RGS5: variants seen among roughly 807,000 people sequenced by gnomAD.
The protein encoded by RGS5 is regulator of G-protein signalling 5.
Under a neutral mutation model 18.9 loss-of-function variants are expected in RGS5, and 20 were observed. That is an observed-to-expected ratio of 1.06 (90% CI 0.74 to 1.54). RGS5 has a LOEUF of 1.54. Among genes scored for constraint, RGS5 ranks in the 40% most tolerant of loss-of-function variants. The pLI is 0.00. For missense variants in RGS5, 201 were observed against 211.8 expected (o/e 0.95, Z 0.32); for synonymous variants, 57 against 76.2 (o/e 0.75, Z 1.31).
intron 2 of RGS5, among the ~76,000 whole-genome samples, chr1:163,234,190 G>A (rs1647559049): frequency 6.6e-6 from 1 of 152,168 alleles, no homozygotes; most frequent in Non-Finnish European, 1.5e-5. Context: ...TCTATTAGCT[G>A]TAGAATTTTT....
intron 3 of RGS5, among the ~76,000 whole-genome samples, chr1:163,154,190 T>G (rs184441303): frequency 6.6e-6 from 1 of 152,230 alleles, no homozygotes; most frequent in Non-Finnish European, 1.5e-5. Context: ...ATTCTTTTTA[T>G]AGGCTCTAAA....
intron 1 of RGS5, among the ~76,000 whole-genome samples, chr1:163,171,881 G>A (rs938922103): frequency 2.0e-5 from 3 of 152,088 alleles, no homozygotes; most frequent in South Asian, 2.1e-4. Context: ...AATCACAAAC[G>A]GGTGCTTAAA....
intron 2 of RGS5, among the ~76,000 whole-genome samples, chr1:163,273,375 T>C (rs1648772046): frequency 6.6e-6 from 1 of 152,184 alleles, no homozygotes; most frequent in Non-Finnish European, 1.5e-5. Context: ...TTTCAATTCT[T>C]AGTTTTTTTG....
intron 2 of RGS5, among the ~76,000 whole-genome samples, chr1:163,271,568 C>A (rs1464237643): frequency 2.0e-5 from 3 of 152,164 alleles, no homozygotes; most frequent in East Asian, 1.9e-4. Context: ...GGCCACCCAG[C>A]CTATGGTATC....
chr1:163,212,620 C>T (rs1416060769), intron 1 of RGS5: 1 of 152,242 alleles, frequency 6.6e-6, no homozygotes, highest in East Asian at 1.9e-4. Flanking sequence ...AGCATCTTAG[C>T]TCCAGTGAAG....
In RGS5 at chr1:163,152,371, T is replaced by G. The variant is rs182933691; in HGVS notation, c.384+179A>C. The G allele has an allele frequency of 8.5e-4, 469 of 553,522 alleles. 3 individuals are homozygous for G. The highest frequency in any genetic ancestry group is 2.9e-3 in the East Asian group (101 of 34,952). 34.3% of individuals were successfully genotyped at this position (553,522 alleles called of 1,614,324 possible). A position where few individuals can be genotyped will look rare whatever the true frequency, so the allele number is the denominator to read the frequency against. On this transcript the variant is annotated intron_variant, in intron 4 of 4. Transcript: ENST00000313961. ...AACTAGAAAGCGGTCTGAACAGGAT[T>G]GTTCATATATACTTGACCATGTTGC... is the stretch of plus-strand genomic sequence containing the variant.
rs534877977 is a variant in RGS5, at chr1:163,230,695, G to A, written c.-280-62327C>T. 1.1e-3 allele frequency among the ~76,000 whole-genome samples: 160 copies of A among 152,232 alleles called. 1 individual carries two copies. The highest frequency in any genetic ancestry group is 3.4e-3 in the Middle Eastern group (1 of 294). On this transcript the variant is annotated intron_variant, in intron 2 of 5. Coordinates refer to the RGS5 transcript ENST00000618415. ...ATTACTTTTACCACTAATTAACTCT[G>A]TAAAGGATAAAAGATTTATAACACC...
At chr1:163,154,393 G>A (rs145862484) in intron 3 of RGS5, among the ~76,000 whole-genome samples, 66 of 152,168 alleles carry the variant, frequency 4.3e-4, no homozygotes, top group African/African-American at 1.3e-3. Context: ...TAGGATGATC[G>A]TTAACTTGTG....
upstream of RGS5, chr1:163,203,011 T>C: frequency 1.7e-6 from 1 of 586,718 alleles, no homozygotes; most frequent in South Asian, 2.1e-5. Context: ...AACTGCAGGC[T>C]GGAGAGCAGC....
At chr1:163,156,249 C>G (rs1657574949) in intron 3 of RGS5, among the ~76,000 whole-genome samples, 1 of 152,022 alleles carries the variant, frequency 6.6e-6, no homozygotes. Context: ...AATGGAGATA[C>G]TAATGGAACT....
rs1274478523 is a variant in RGS5, at chr1:163,225,965, GGGT to G, written c.-280-57600_-280-57598del. On this transcript the variant is annotated intron_variant, in intron 2 of 5. Transcript: ENST00000618415. ...GACAGAATTTGGCTCTTGTTGCCCA[GGGT>G]GGAGTGCAATGGCGCAATCTCGGCT... Among the ~76,000 whole-genome samples the G allele has an allele frequency of 2.0e-5, 3 of 151,860 alleles. No individual in the cohort carries two copies. In the East Asian group the frequency reaches 5.8e-4, roughly 29 times the overall value.
chr1:163,202,407 A>G (rs115666634), intron 1 of RGS5, among the ~76,000 whole-genome samples: 1,830 of 152,280 alleles, frequency 0.012, 28 homozygotes, highest in African/African-American at 0.042. Flanking sequence ...AGGTTAAATA[A>G]ATTGCCCAAA....
At chr1:163,209,718 A>G (rs1224312907) in intron 1 of RGS5, among the ~76,000 whole-genome samples, 5 of 152,236 alleles carry the variant, frequency 3.3e-5, no homozygotes, top group Admixed American at 6.5e-5. Context: ...ACTGAATTAT[A>G]TTATTGTTCA....
At chr1:163,179,079 G>A (rs372876425) in intron 1 of RGS5, among the ~76,000 whole-genome samples, 2 of 152,136 alleles carry the variant, frequency 1.3e-5, no homozygotes, top group African/African-American at 2.4e-5. Flanking sequence ...AAGCAAATAC[G>A]ATACACGTTA....
At chr1:163,309,000 T>C (rs555595167) in intron 1 of RGS5, among the ~76,000 whole-genome samples, 1 of 152,364 alleles carries the variant, frequency 6.6e-6, no homozygotes, top group Non-Finnish European at 1.5e-5. Context: ...TGAGTCATCA[T>C]CTTTTTGCTT....
intron 2 of RGS5, among the ~76,000 whole-genome samples, chr1:163,259,318 AT>A (rs147396685): frequency 0.13 from 19,466 of 146,578 alleles, 1,416 homozygotes; most frequent in South Asian, 0.21. Flanking sequence ...TGCCCGGCTA[AT>A]TTTTTTTTTT....
At chr1:163,307,856 CAT>C (rs1264316743) in intron 1 of RGS5, among the ~76,000 whole-genome samples, 1 of 152,128 alleles carries the variant, frequency 6.6e-6, no homozygotes, top group Non-Finnish European at 1.5e-5. Flanking sequence ...TATTAGTAAC[CAT>C]ATTTTATAGA....
chr1:163,278,068 A>C (rs1648901647), intron 2 of RGS5, among the ~76,000 whole-genome samples: 1 of 151,962 alleles, frequency 6.6e-6, no homozygotes, highest in Admixed American at 6.6e-5. Flanking sequence ...GAAAAAGAAG[A>C]GATGGAAAAG....
chr1:163,167,649 A>T (rs1274858187), intron 2 of RGS5, among the ~76,000 whole-genome samples: 1 of 152,182 alleles, frequency 6.6e-6, no homozygotes, highest in African/African-American at 2.4e-5. Flanking sequence ...TTAATTTATG[A>T]ATTGGGAAAA....
Sources: gnomAD v4.1 joint callset for allele counts (sites outside exome capture counted in the v4.1 genomes callset) on GRCh38, gnomAD v4.1.1 for gene constraint, MANE v1.5 for transcripts, NCBI Gene and HGNC (gene_info 2026-07-23, HGNC 2026-07-21) for gene names.